ZNF717: variants seen among roughly 807,000 people sequenced by gnomAD.
ZNF717 encodes the protein zinc finger protein 717, also known as krueppel-like factor X17.
A neutral mutation model predicts 13.8 loss-of-function variants in ZNF717; 9 were observed. The observed-to-expected ratio is 0.65, with a 90% CI of 0.39 to 1.14. The LOEUF is 1.14. Ranked by LOEUF, ZNF717 falls within the 50% of genes most tolerant of loss-of-function variation. The pLI, the probability that ZNF717 is intolerant of heterozygous loss-of-function variation, is 0.01. For synonymous variants in ZNF717, 327 were observed against 364.1 expected, an observed-to-expected ratio of 0.90 and a Z score of 1.16; for missense variants, 1,040 against 1,080.7, an observed-to-expected ratio of 0.96 and a Z score of 0.53.
downstream of ZNF717, among the ~76,000 whole-genome samples, chr3:75,725,178 AT>A: frequency 6.6e-6 from 1 of 152,254 alleles, no homozygotes; most frequent in African/African-American, 2.4e-5. Flanking sequence ...CATCTGAAAT[AT>A]TTCCATTTTC....
chr3:75,783,570 T>C (rs76892774), intron 1 of ZNF717, among the ~76,000 whole-genome samples: 1 of 152,242 alleles, frequency 6.6e-6, no homozygotes, highest in African/African-American at 2.4e-5. Flanking sequence ...AGTACATTAA[T>C]TGGTAGACAT....
intron 2 of ZNF717, among the ~76,000 whole-genome samples, chr3:75,747,040 A>G (rs1371695129): frequency 1.3e-5 from 2 of 152,080 alleles, no homozygotes; most frequent in Admixed American, 1.3e-4. Flanking sequence ...TAATTTTTGT[A>G]TAAGGTGTAA....
chr3:75,706,684 G>C (rs796170533), downstream of ZNF717, among the ~76,000 whole-genome samples: 1 of 152,302 alleles, frequency 6.6e-6, no homozygotes, highest in Admixed American at 6.5e-5. Context: ...AGACTCAAAA[G>C]TGATAGGGTC....
chr3:75,699,997 C>A (rs1444666769), intron 6 of ZNF717, among the ~76,000 whole-genome samples: 17 of 152,036 alleles, frequency 1.1e-4, no homozygotes, highest in African/African-American at 3.9e-4. Context: ...GAAAGAGGAC[C>A]CAAAAATTGG....
chr3:75,722,281 A>C (rs1409508853), intron 4 of ZNF717, among the ~76,000 whole-genome samples: 1 of 152,152 alleles, frequency 6.6e-6, no homozygotes, highest in African/African-American at 2.4e-5. Context: ...TAATATGCTT[A>C]AAAATAATAA....
Position 75,738,906 on chromosome 3 carries a change from A to G in ZNF717, c.717T>C (p.Tyr239=). The change falls in exon 5 of 5, where the codon TAT becomes TAC. Residue 239 remains tyrosine (Y), a synonymous_variant. Transcript: ENST00000652011. Reference sequence around the variant, plus strand: ...TATTACAGGCTTTCTCATATTCATTATATTTACCAAAGGTCTGTACTATAT... The same window carrying G: ...TATTACAGGCTTTCTCATATTCATTGTATTTACCAAAGGTCTGTACTATAT... ...RVHIVQTFGK[Y]NEYEKACNNS... is the part of the protein sequence containing the mutation. 4 of 1,551,510 alleles carry G rather than the reference A, an allele frequency of 2.6e-6. No individual in the cohort carries two copies. The highest frequency in any genetic ancestry group is 3.5e-6 in the Non-Finnish European group (4 of 1,146,956).
chr3:75,734,811 ATATATATTTTTTTTT>A (rs1197248978), downstream of ZNF717, among the ~76,000 whole-genome samples: 11 of 19,266 alleles, frequency 5.7e-4, no homozygotes, highest in African/African-American at 1.9e-3. Context: ...ATATATATAT[ATATATATTTTTTTTT>A]TTTTTTTTTT....
chr3:75,713,909 C>G (rs77875259), intron 5 of ZNF717, among the ~76,000 whole-genome samples: 1 of 152,146 alleles, frequency 6.6e-6, no homozygotes, highest in African/African-American at 2.4e-5. Context: ...GGTAAGGTCA[C>G]ATGGGTCATG....
chr3:75,761,112 C>A (rs1942967399), intron 2 of ZNF717, among the ~76,000 whole-genome samples: 1 of 152,114 alleles, frequency 6.6e-6, no homozygotes, highest in Admixed American at 6.5e-5. Context: ...TCCAAAGAGA[C>A]CTGTAACTAG....
At chr3:75,770,756 T>C (rs1170912788) in intron 2 of ZNF717, among the ~76,000 whole-genome samples, 1 of 152,052 alleles carries the variant, frequency 6.6e-6, no homozygotes, top group Non-Finnish European at 1.5e-5. Flanking sequence ...GAGCTTAAGG[T>C]AACTTTTAGA....
intron 4 of ZNF717, among the ~76,000 whole-genome samples, chr3:75,718,390 G>T (rs1321574558): frequency 6.6e-6 from 1 of 152,134 alleles, no homozygotes; most frequent in African/African-American, 2.4e-5. Flanking sequence ...TGGTGATGAC[G>T]TTGTCAGTTA....
chr3:75,720,917 T>G (rs2106861675), intron 4 of ZNF717, among the ~76,000 whole-genome samples: 1 of 152,338 alleles, frequency 6.6e-6, no homozygotes, highest in South Asian at 2.1e-4. Context: ...CTTATTTTTC[T>G]AAATGAAAAT....
chr3:75,783,397 A>G, intron 1 of ZNF717, 33 bp from the exon 2 acceptor site: 4 of 1,529,700 alleles, frequency 2.6e-6, no homozygotes, highest in Non-Finnish European at 3.5e-6. Flanking sequence ...TGAATTAAGG[A>G]GAGAACTGGT....
rs1283169962 is a variant in ZNF717, at chr3:75,738,345, G to C, written c.1278C>G (p.Asp426Glu). Residue 426 changes from aspartate (D) to glutamate (E), a missense_variant, in exon 5 of 5, where the codon GAC (aspartate) becomes GAG (glutamate). Coordinates refer to ENST00000652011, the MANE Select transcript of ZNF717 (RefSeq NM_001290208.3). ...THTGEKPYACDHCEEAFSHKS... is the reference protein window; with the variant it reads ...THTGEKPYACEHCEEAFSHKS... ...TATGGCTAAATGCTTCTTCACAATG[G>C]TCACATGCATAGGGCTTTTCCCCTG... 2.0e-6 allele frequency: 3 copies of C among 1,534,294 alleles called. No individual in the cohort carries two copies. The highest frequency in any genetic ancestry group is 5.0e-5 in the East Asian group (2 of 39,804).
intron 2 of ZNF717, among the ~76,000 whole-genome samples, chr3:75,770,137 C>G (rs1001933999): frequency 6.6e-5 from 10 of 152,196 alleles, no homozygotes; most frequent in African/African-American, 2.4e-4. Context: ...GGGGACTGAA[C>G]CTCACCACCC....
At chr3:75,708,941 G>A (rs1937868548), downstream of ZNF717, among the ~76,000 whole-genome samples, 1 of 152,038 alleles carries the variant, frequency 6.6e-6, no homozygotes, top group Non-Finnish European at 1.5e-5. Context: ...ACATTACATG[G>A]TGAGAGCAGG....
Position 75,738,790 on chromosome 3 carries a change from G to GT in ZNF717, c.832dup (p.Thr278AsnfsTer7), listed in dbSNP as rs1347962712. On this transcript the variant is annotated frameshift_variant, in exon 5 of 5. Coordinates refer to ENST00000652011, the MANE Select transcript of ZNF717 (RefSeq NM_001290208.3). LOFTEE classifies it low-confidence loss of function (END_TRUNC). Reference sequence around the variant, plus strand: ...AACACATTCATAGGGTTTCTCTCCTGTGTGTGTCTGCTGATGTTTAGTGAA... The same window carrying GT: ...AACACATTCATAGGGTTTCTCTCCTGTTGTGTGTCTGCTGATGTTTAGTGAA... 6.4e-7 allele frequency: 1 copy of GT among 1,552,976 alleles called. No individual in the cohort carries two copies. Among genetic ancestry groups the GT allele is most frequent in the East Asian group, 2.4e-5 (1 of 41,074 alleles).
At chr3:75,768,244 T>TGGGAG in intron 2 of ZNF717, among the ~76,000 whole-genome samples, 1 of 152,026 alleles carries the variant, frequency 6.6e-6, no homozygotes, top group East Asian at 1.9e-4. Context: ...CGGCTGAGTG[T>TGGGAG]GTGGGTGCAG....
At chr3:75,739,801 T>G (rs1214722904) in intron 4 of ZNF717, among the ~76,000 whole-genome samples, 1 of 152,250 alleles carries the variant, frequency 6.6e-6, no homozygotes, top group Non-Finnish European at 1.5e-5. Context: ...GATGGCCATT[T>G]TTCTGTCTCC....
Sources: gnomAD v4.1 joint callset for allele counts (sites outside exome capture counted in the v4.1 genomes callset) on GRCh38, gnomAD v4.1.1 for gene constraint, MANE v1.5 for transcripts, NCBI Gene and HGNC (gene_info 2026-07-23, HGNC 2026-07-21) for gene names.